AMBP: variants seen among roughly 807,000 people sequenced by gnomAD.
The protein encoded by AMBP is alpha-1-microglobulin/bikunin precursor, also known as protein AMBP.
AMBP carries 37 observed loss-of-function variants against 46.3 expected under a neutral mutation model. The observed-to-expected ratio is 0.80, with a 90% CI of 0.61 to 1.05. AMBP has a LOEUF of 1.05. Ranked by LOEUF, AMBP falls within the 50% of genes least tolerant of loss-of-function variation. The probability of loss-of-function intolerance (pLI) is 0.00; values close to 1 mark genes in which losing one functional copy is unlikely to be tolerated. For synonymous variants in AMBP, 174 were observed against 175.9 expected, an observed-to-expected ratio of 0.99 and a Z score of 0.09; for missense variants, 475 against 461.2, an observed-to-expected ratio of 1.03 and a Z score of -0.27.
rs1479777412 is a variant in AMBP at position 114,063,069 on chromosome 9, A to G, written c.604-311T>C. Among the ~76,000 whole-genome samples, 3 of 152,208 alleles carry G rather than the reference A, an allele frequency of 2.0e-5. No homozygotes were observed. The East Asian group carries it at 5.8e-4, about 29-fold the overall frequency. On this transcript the variant is annotated intron_variant, in intron 6 of 9. Transcript: ENST00000265132. ...GAAAAGGTACCTCCCAGAGTTGGAAACCAGGGGAGAGCAGCACCCTCACAC... is the reference window on the plus strand; with the variant it reads ...GAAAAGGTACCTCCCAGAGTTGGAAGCCAGGGGAGAGCAGCACCCTCACAC...
intron 6 of AMBP, among the ~76,000 whole-genome samples, chr9:114,066,144 C>T (rs10982049): frequency 0.24 from 36,695 of 151,994 alleles, 4,515 homozygotes; most frequent in East Asian, 0.38. Context: ...CATCTTGGGA[C>T]GTCTCTGAAA....
rs72760611 is a variant in AMBP, at chr9:114,071,099, G to A, written c.557-1354C>T. ...ACACCCCATTGAGCTGGTGGGAGCTGGGCACAAGTGGGAGCCCTGCCCCTT... is the reference window on the plus strand; with the variant it reads ...ACACCCCATTGAGCTGGTGGGAGCTAGGCACAAGTGGGAGCCCTGCCCCTT... On this transcript the variant is annotated intron_variant, in intron 5 of 9. Coordinates refer to ENST00000265132, the MANE Select transcript of AMBP (RefSeq NM_001633.4). Among the ~76,000 whole-genome samples the A allele has an allele frequency of 7.3e-3, 1,110 of 152,312 alleles. 13 individuals carry two copies. Among genetic ancestry groups the A allele is most frequent in the Non-Finnish European group, 0.01 (708 of 68,008 alleles).
At chr9:114,067,704 A>G (rs1455290921) in intron 6 of AMBP, among the ~76,000 whole-genome samples, 1 of 152,198 alleles carries the variant, frequency 6.6e-6, no homozygotes, top group Non-Finnish European at 1.5e-5. Context: ...GGGCTTTTTC[A>G]TAGCAATAAT....
intron 4 of AMBP, among the ~76,000 whole-genome samples, chr9:114,073,250 CTT>C (rs140782864): frequency 8.2e-5 from 12 of 145,840 alleles, no homozygotes; most frequent in Admixed American, 1.4e-4. Context: ...GACTCTTCCC[CTT>C]TTTTTTTTTT....
Position 114,074,145 on chromosome 9 carries a change from G to A in AMBP, c.345C>T (p.Asn115=). 1 of 1,613,984 alleles carries A rather than the reference G, an allele frequency of 6.2e-7. No homozygotes were observed. Among genetic ancestry groups the A allele is most frequent in the Non-Finnish European group, 8.5e-7 (1 of 1,179,886 alleles). ...GKFLYHKSKW[N]ITMESYVVHT... is the part of the protein sequence containing the mutation. ...GGACCACATAGGACTCCATGGTTAT[G>A]TTCCATTCTGCATGGGAGGTGCAGG... Residue 115 remains asparagine (N), a synonymous_variant, in exon 4 of 10, where the codon AAC becomes AAT. Coordinates refer to ENST00000265132, the MANE Select transcript of AMBP (RefSeq NM_001633.4).
At chr9:114,069,598 C>G in intron 6 of AMBP, 101 bp downstream of exon 6, 1 of 1,186,872 alleles carries the variant, frequency 8.4e-7, no homozygotes, top group Non-Finnish European at 1.2e-6. Context: ...ACCCCCTCCC[C>G]ATGACTCTGC....
chr9:114,064,406 A>G lies in AMBP; in HGVS notation c.604-1648T>C, dbSNP rs568028311. On this transcript the variant is annotated intron_variant, in intron 6 of 9. Transcript: ENST00000265132. ...AATATTTAGAAACAATTTTTTTTAAAAAAAATAAAGGTAGAAAATGTAAAC... is the reference window on the plus strand; with the variant it reads ...AATATTTAGAAACAATTTTTTTTAAGAAAAATAAAGGTAGAAAATGTAAAC... Among the ~76,000 whole-genome samples, 32 of 152,310 alleles carry G rather than the reference A, an allele frequency of 2.1e-4. 1 individual carries two copies. The South Asian group carries it at 6.6e-3, about 32-fold the overall frequency.
At chr9:114,076,462 G>C in intron 2 of AMBP, 136 bp downstream of exon 2, 1 of 1,269,080 alleles carries the variant, frequency 7.9e-7, no homozygotes. Context: ...TGGTGGAGGA[G>C]CGTAGAGGGA....
At chr9:114,071,466 T>G (rs1285164753) in intron 5 of AMBP, among the ~76,000 whole-genome samples, 3 of 152,364 alleles carry the variant, frequency 2.0e-5, no homozygotes, top group Middle Eastern at 3.4e-3. Flanking sequence ...AGCCTGACAC[T>G]GGCCTGCAGG....
At position 114,069,771 on chromosome 9, in the gene AMBP, G is replaced by A. The variant is rs747179452; in HGVS notation, c.557-26C>T. 8.1e-6 allele frequency: 13 copies of A among 1,613,470 alleles called. No individual in the cohort carries two copies. The Admixed American group carries it at 1.3e-4, about 17-fold the overall frequency. Reference sequence around the variant, plus strand: ...CTAGGTCACAGAGCAGGAGAGAGGAGTGAATAACAGGACCAGGCCCAGGGG... The same window carrying A: ...CTAGGTCACAGAGCAGGAGAGAGGAATGAATAACAGGACCAGGCCCAGGGG... On this transcript the variant is annotated intron_variant, in intron 5 of 9. Coordinates refer to ENST00000265132, the MANE Select transcript of AMBP (RefSeq NM_001633.4).
intron 1 of AMBP, 107 bp downstream of exon 1, chr9:114,077,986 G>T: frequency 9.5e-7 from 1 of 1,057,194 alleles, no homozygotes; most frequent in Non-Finnish European, 1.4e-6. Context: ...CAGATGATCT[G>T]AGTGGAAGCC....
At chr9:114,077,767 G>A (rs1390481264) in intron 1 of AMBP, among the ~76,000 whole-genome samples, 4 of 152,210 alleles carry the variant, frequency 2.6e-5, no homozygotes, top group Non-Finnish European at 4.4e-5. Context: ...GGGAGGTCTG[G>A]GCAAAGCTAG....
intron 6 of AMBP, among the ~76,000 whole-genome samples, chr9:114,066,703 G>C (rs1184805739): frequency 6.6e-6 from 1 of 151,804 alleles, no homozygotes; most frequent in African/African-American, 2.4e-5. Context: ...AGAGACTAGT[G>C]ATAATCCCAG....
intron 5 of AMBP, among the ~76,000 whole-genome samples, chr9:114,072,287 G>A (rs1441131747): frequency 6.6e-6 from 1 of 152,162 alleles, no homozygotes; most frequent in Admixed American, 6.5e-5. Context: ...AAATCTGCTT[G>A]TGGTGCACCT....
At chr9:114,060,812 A>G (rs1412248914) in intron 9 of AMBP, 113 bp downstream of exon 9, 4 of 1,238,654 alleles carry the variant, frequency 3.2e-6, no homozygotes, top group Non-Finnish European at 4.5e-6. Context: ...TGGGCTGCTT[A>G]CCAGGTACAG....
chr9:114,074,003 C>T (rs1301207392), intron 4 of AMBP, 33 bp downstream of exon 4: 6 of 1,595,440 alleles, frequency 3.8e-6, no homozygotes, highest in Non-Finnish European at 5.2e-6. Flanking sequence ...CCACCCTTAA[C>T]TCCAATGGGC....
At chr9:114,068,397 C>T (rs1251257306) in intron 6 of AMBP, among the ~76,000 whole-genome samples, 1 of 151,728 alleles carries the variant, frequency 6.6e-6, no homozygotes, top group Non-Finnish European at 1.5e-5. Flanking sequence ...GTCAGGAGTT[C>T]AAGACCAGCC....
At chr9:114,060,546 TTGC>T (rs1455838927) in intron 9 of AMBP, among the ~76,000 whole-genome samples, 2 of 152,190 alleles carry the variant, frequency 1.3e-5, no homozygotes, top group African/African-American at 4.8e-5. Flanking sequence ...TTAGGAGCAG[TTGC>T]TGTTAGCTGA....
At position 114,078,273 on chromosome 9, in the gene AMBP, C is replaced by T; in HGVS notation, c.-64G>A. On this transcript the variant is annotated 5_prime_UTR_variant, in exon 1 of 10. Transcript: ENST00000265132. ...CGGTCTAGCAACAGAAGGGCCACCG[C>T]CTCCCTGCAACAGGGCAGCTGTGAA... The T allele has an allele frequency of 6.7e-7, 1 of 1,488,290 alleles. No individual in the cohort carries two copies. Among genetic ancestry groups the T allele is most frequent in the Non-Finnish European group, 9.3e-7 (1 of 1,078,212 alleles). 92.2% of individuals were successfully genotyped at this position (1,488,290 alleles called of 1,614,324 possible). A position where few individuals can be genotyped will look rare whatever the true frequency, so the allele number is the denominator to read the frequency against.
Sources: allele counts gnomAD v4.1 joint callset (sites outside exome capture counted in the v4.1 genomes callset), GRCh38; gene constraint gnomAD v4.1.1; transcripts MANE v1.5; gene names NCBI Gene and HGNC (gene_info 2026-07-23, HGNC 2026-07-21).